CACNA1S: variants seen among roughly 807,000 people sequenced by gnomAD.
CACNA1S encodes the protein calcium voltage-gated channel subunit alpha1 S.
CACNA1S carries 126 observed loss-of-function variants against 207.4 expected under a neutral mutation model. The observed-to-expected ratio is 0.61, with a 90% confidence interval of 0.53 to 0.70. CACNA1S has a LOEUF of 0.70. Ranked by LOEUF, CACNA1S falls within the 30% of genes least tolerant of loss-of-function variation. The pLI is 0.00. For synonymous variants in CACNA1S, 960 were observed against 932.7 expected, an observed-to-expected ratio of 1.03 and a Z score of -0.53; for missense variants, 2,349 against 2,422.8, an observed-to-expected ratio of 0.97 and a Z score of 0.64.
chr1:201,100,684 G>T (rs941915673), intron 2 of CACNA1S, among the ~76,000 whole-genome samples: 2 of 152,158 alleles, frequency 1.3e-5, no homozygotes, highest in Non-Finnish European at 2.9e-5. Flanking sequence ...GAGGGTCCCA[G>T]TAGGGCTCTG....
rs1660034961 is a variant in CACNA1S, at chr1:201,039,581, TGACC to T, written c.*246_*249del. On this transcript the variant is annotated 3_prime_UTR_variant, in exon 44 of 44. Coordinates refer to ENST00000362061, the MANE Select transcript of CACNA1S (RefSeq NM_000069.3). ...GAGTGGCCCTAGGCCAGACAGGCAC[TGACC>T]AGGCCTTTTTGAATGACATTAGAAG... 1 of 585,042 alleles carries T rather than the reference TGACC, an allele frequency of 1.7e-6. No homozygotes were observed. Among genetic ancestry groups the T allele is most frequent in the South Asian group, 2.0e-5 (1 of 50,158 alleles). 36.2% of individuals were successfully genotyped at this position (585,042 alleles called of 1,614,324 possible). A position where few individuals can be genotyped will look rare whatever the true frequency, so the allele number is the denominator to read the frequency against.
intron 2 of CACNA1S, among the ~76,000 whole-genome samples, chr1:201,098,726 C>T (rs995042478): frequency 5.9e-5 from 9 of 152,232 alleles, no homozygotes; most frequent in Non-Finnish European, 1.2e-4. Flanking sequence ...GACCCCAGAG[C>T]AGGAGGGCAG....
intron 1 of CACNA1S, among the ~76,000 whole-genome samples, chr1:201,111,577 T>C (rs745422439): frequency 6.6e-6 from 1 of 152,026 alleles, no homozygotes; most frequent in Non-Finnish European, 1.5e-5. Context: ...CAGATCCATT[T>C]CTCCCCTTGG....
chr1:201,074,730 TA>T, intron 13 of CACNA1S, 110 bp from the exon 14 acceptor site: 2 of 738,806 alleles, frequency 2.7e-6, no homozygotes, highest in Non-Finnish European at 4.9e-6. Flanking sequence ...CTCCCAGAGC[TA>T]CCCATGGGAA....
At chr1:201,100,225 G>C (rs1348655240) in intron 2 of CACNA1S, among the ~76,000 whole-genome samples, 1 of 152,244 alleles carries the variant, frequency 6.6e-6, no homozygotes, top group Non-Finnish European at 1.5e-5. Flanking sequence ...TGCTCCGGCT[G>C]TGCTGTTTTT....
rs1443994374 is a variant in CACNA1S, at chr1:201,066,008, G to A, written c.2746-63C>T. The A allele has an allele frequency of 8.0e-6, 10 of 1,245,030 alleles. No individual in the cohort carries two copies. Among genetic ancestry groups the A allele is most frequent in the Non-Finnish European group, 1.2e-5 (10 of 860,054 alleles). The allele number at this position is 1,245,030 out of a possible 1,614,324, so 77.1% of individuals were successfully genotyped here. The stretch of plus-strand genomic sequence containing the variant: ...CCACAGTAACCCTGCTAGCCCAGTT[G>A]AGGAAACCCCAGGAGTGCAAGACTT... On this transcript the variant is annotated intron_variant, in intron 21 of 43. Coordinates refer to ENST00000362061, the MANE Select transcript of CACNA1S (RefSeq NM_000069.3). This position sits in a 1 kb window ranked among gnomAD's most constrained non-coding sequence, Gnocchi z 4.3.
intron 1 of CACNA1S, among the ~76,000 whole-genome samples, chr1:201,110,908 A>G (rs1663075605): frequency 6.6e-6 from 1 of 152,214 alleles, no homozygotes; most frequent in Non-Finnish European, 1.5e-5. Flanking sequence ...ATTAGGCAGC[A>G]AGTCTGGAAA....
In CACNA1S at chr1:201,076,918, A is replaced by G; in HGVS notation, c.1827+2T>C. ...GGAGGGACACGCAGAGGGAGAGCCT[A>G]CCTGGAAGACGCTGATGAGGGCTTG... is the stretch of plus-strand genomic sequence containing the variant. On this transcript the variant is annotated splice_donor_variant, in intron 12 of 43. Coordinates refer to ENST00000362061, the MANE Select transcript of CACNA1S (RefSeq NM_000069.3). LOFTEE classifies it high-confidence loss of function. The G allele has an allele frequency of 6.2e-7, 1 of 1,613,952 alleles. No individual in the cohort carries two copies. The highest frequency in any genetic ancestry group is 8.5e-7 in the Non-Finnish European group (1 of 1,179,812).
chr1:201,105,337 T>C (rs1277363163), intron 2 of CACNA1S, among the ~76,000 whole-genome samples: 1 of 152,212 alleles, frequency 6.6e-6, no homozygotes, highest in East Asian at 1.9e-4. Context: ...TGTTGATAGA[T>C]AAAGCACTAC....
rs144622978 is a variant in CACNA1S at position 201,080,012 on chromosome 1, G to T, written c.1394-1908C>A. 2.2e-3 allele frequency among the ~76,000 whole-genome samples: 331 copies of T among 152,262 alleles called. 3 individuals are homozygous for T. Among genetic ancestry groups the T allele is most frequent in the African/African-American group, 7.1e-3 (295 of 41,546 alleles). Reference sequence around the variant, plus strand: ...GCTTTTGGGGCAATTCCAGCTGAAGGTTCAGCAGGATGAAACAGCGAGTCA... The same window carrying T: ...GCTTTTGGGGCAATTCCAGCTGAAGTTTCAGCAGGATGAAACAGCGAGTCA... On this transcript the variant is annotated intron_variant, in intron 10 of 43. Transcript: ENST00000362061.
At position 201,053,438 on chromosome 1, in the gene CACNA1S, T is replaced by G; in HGVS notation, c.3795+21A>C. 6.2e-7 allele frequency: 1 copy of G among 1,614,060 alleles called. No individual in the cohort carries two copies. The highest frequency in any genetic ancestry group is 8.5e-7 in the Non-Finnish European group (1 of 1,179,988). On this transcript the variant is annotated intron_variant, in intron 30 of 43. Coordinates refer to ENST00000362061, the MANE Select transcript of CACNA1S (RefSeq NM_000069.3). The surrounding 1 kb of genome is among the most constrained non-coding windows in gnomAD (Gnocchi z 5.1). ...TAGTGGCCTCCCCAGGTACGTGCAG[T>G]TTCCAGGGTCCCTGTTGCACCTGGA...
intron 28 of CACNA1S, among the ~76,000 whole-genome samples, chr1:201,055,265 A>G (rs1660799369): frequency 6.6e-6 from 1 of 152,248 alleles, no homozygotes; most frequent in East Asian, 1.9e-4. Flanking sequence ...GATCCCTGGC[A>G]TACTGGTCTT....
rs759514392 is a variant in CACNA1S, at chr1:201,040,257, G to A, written c.5344C>T (p.Pro1782Ser). The change falls in exon 43 of 44, where the codon CCA becomes TCA. Residue 1782 changes from proline (P) to serine (S), a missense_variant. By Grantham distance (74) the Pro-to-Ser change is moderately conservative. Coordinates refer to ENST00000362061, the MANE Select transcript of CACNA1S (RefSeq NM_000069.3). Reference sequence around the variant, plus strand: ...TTTTGGATCAGCAGGGCTGTAGCTGGTGCTGAGCACCTGGAAGTATTCTCC... The same window carrying A: ...TTTTGGATCAGCAGGGCTGTAGCTGATGCTGAGCACCTGGAAGTATTCTCC... The part of the protein sequence containing the change: ...TRENTSRCSA[P>S]ATALLIQKAL... The A allele has an allele frequency of 4.3e-6, 7 of 1,613,774 alleles. No individual in the cohort carries two copies. The highest frequency in any genetic ancestry group is 5.1e-6 in the Non-Finnish European group (6 of 1,180,006).
At chr1:201,091,884 T>A in intron 4 of CACNA1S, 88 bp downstream of exon 4, 1 of 1,602,500 alleles carries the variant, frequency 6.2e-7, no homozygotes, top group Non-Finnish European at 8.5e-7. Context: ...GCCCCTGAGA[T>A]GTCAAGGTAG....
intron 6 of CACNA1S, among the ~76,000 whole-genome samples, chr1:201,088,301 C>A (rs531151325): frequency 3.9e-5 from 6 of 152,184 alleles, no homozygotes; most frequent in Non-Finnish European, 7.3e-5. Context: ...TCTGTGACCC[C>A]GGACAAGTCA....
intron 24 of CACNA1S, 104 bp downstream of exon 24, chr1:201,061,839 TG>T: frequency 1.5e-6 from 2 of 1,332,262 alleles, no homozygotes; most frequent in African/African-American, 2.9e-5. Flanking sequence ...GTTGGACGCC[TG>T]CCACAGGTAG....
chr1:201,112,153 A>T (rs559492859), intron 1 of CACNA1S, 35 bp downstream of exon 1: 4 of 1,579,208 alleles, frequency 2.5e-6, no homozygotes, highest in South Asian at 2.2e-5. Flanking sequence ...CTCATGACGC[A>T]CACCCCCCCC....
chr1:201,048,101 C>T (rs892910409), intron 36 of CACNA1S, among the ~76,000 whole-genome samples: 12 of 152,246 alleles, frequency 7.9e-5, no homozygotes, highest in African/African-American at 2.2e-4. Context: ...GAGACTTGAG[C>T]TTGATACAGT....
intron 28 of CACNA1S, 130 bp from the exon 29 acceptor site, chr1:201,054,691 GCTAAAGACCCCACAT>G: frequency 2.9e-6 from 1 of 344,384 alleles, no homozygotes; most frequent in Non-Finnish European, 5.7e-6. Flanking sequence ...AGAGGCAGGG[GCTAAAGACCCCACAT>G]GGCTGCCAAT....
Sources: allele counts gnomAD v4.1 joint callset (sites outside exome capture counted in the v4.1 genomes callset), GRCh38; gene constraint gnomAD v4.1.1; non-coding constraint Gnocchi (gnomAD v3.1); transcripts MANE v1.5; gene names NCBI Gene and HGNC (gene_info 2026-07-23, HGNC 2026-07-21).